The following SLC2A9 variants were observed in gnomAD, a reference collection of about 807,000 sequenced individuals.
SLC2A9 encodes the protein solute carrier family 2, facilitated glucose transporter member 9.
A neutral mutation model predicts 50.6 loss-of-function variants in SLC2A9; 39 were observed. That is an observed-to-expected ratio of 0.77 (90% CI 0.60 to 1.01). The LOEUF (loss-of-function observed/expected upper bound fraction) is 1.01. SLC2A9 is among the 50% of genes least tolerant of loss of function. SLC2A9 has a pLI of 0.00. For missense variants in SLC2A9, 686 were observed against 677.6 expected, an observed-to-expected ratio of 1.01 and a Z score of -0.14; for synonymous variants, 324 against 276.9, an observed-to-expected ratio of 1.17 and a Z score of -1.69.
intron 10 of SLC2A9, among the ~76,000 whole-genome samples, chr4:9,835,786 A>G (rs766987189): frequency 1.3e-5 from 2 of 152,156 alleles, no homozygotes; most frequent in African/African-American, 2.4e-5. Context: ...ATGCAAAGGC[A>G]TAAGAATGAT....
At chr4:9,850,005 G>A (rs530789672) in intron 10 of SLC2A9, among the ~76,000 whole-genome samples, 6 of 152,040 alleles carry the variant, frequency 3.9e-5, no homozygotes, top group African/African-American at 9.7e-5. Flanking sequence ...CCGAGAGACC[G>A]GGACATCAGG....
At chr4:9,789,437 T>G (rs1290051795) in intron 3 of SLC2A9, among the ~76,000 whole-genome samples, 1 of 152,226 alleles carries the variant, frequency 6.6e-6, no homozygotes, top group Admixed American at 6.5e-5. Flanking sequence ...TGCTCCATTT[T>G]ACAGGCAGTG....
chr4:9,900,082 G>C (rs1432306038), intron 8 of SLC2A9, among the ~76,000 whole-genome samples: 1 of 152,176 alleles, frequency 6.6e-6, no homozygotes, highest in African/African-American at 2.4e-5. Flanking sequence ...GCTCTTCAAG[G>C]AGCAGAGAAA....
downstream of SLC2A9, among the ~76,000 whole-genome samples, chr4:9,795,006 C>CAT (rs1720415200): frequency 7.0e-5 from 3 of 43,020 alleles, no homozygotes; most frequent in Admixed American, 6.9e-4. Flanking sequence ...ATTAACCCAT[C>CAT]CTTTTTTTTT....
At chr4:9,774,761 C>T (rs1399374920) in intron 1 of SLC2A9, among the ~76,000 whole-genome samples, 1 of 152,024 alleles carries the variant, frequency 6.6e-6, no homozygotes, top group African/African-American at 2.4e-5. Flanking sequence ...TCCTCTCCTT[C>T]CCTCCGTTCT....
intron 10 of SLC2A9, among the ~76,000 whole-genome samples, chr4:9,866,856 G>A (rs1037808791): frequency 6.6e-6 from 1 of 152,174 alleles, no homozygotes; most frequent in African/African-American, 2.4e-5. Context: ...CCACTCTACT[G>A]GTTGCATGGA....
At chr4:10,030,985 G>A (rs144752043) in intron 1 of SLC2A9, among the ~76,000 whole-genome samples, 115 of 152,266 alleles carry the variant, frequency 7.6e-4, no homozygotes, top group African/African-American at 2.6e-3. Context: ...CCAGCTGCAC[G>A]CCTCTGCTTT....
At chr4:9,820,879 T>C (rs898530756) in intron 3 of SLC2A9, among the ~76,000 whole-genome samples, 3 of 152,234 alleles carry the variant, frequency 2.0e-5, no homozygotes, top group Admixed American at 2.0e-4. Flanking sequence ...GAAACAGTTT[T>C]ATTTTTAATG....
chr4:9,926,940 G>C (rs899744529), intron 6 of SLC2A9, among the ~76,000 whole-genome samples: 2 of 152,080 alleles, frequency 1.3e-5, no homozygotes, highest in Admixed American at 6.5e-5. Context: ...GTCCCCGTCG[G>C]AAGCCAGAAG....
At chr4:9,872,441 T>C (rs1026204871) in intron 10 of SLC2A9, among the ~76,000 whole-genome samples, 2 of 152,220 alleles carry the variant, frequency 1.3e-5, no homozygotes, top group African/African-American at 4.8e-5. Context: ...ACCCAGTCTG[T>C]GAATGTGCAG....
At chr4:10,007,139 A>T (rs1424252452) in intron 2 of SLC2A9, among the ~76,000 whole-genome samples, 1 of 152,166 alleles carries the variant, frequency 6.6e-6, no homozygotes, top group Non-Finnish European at 1.5e-5. Flanking sequence ...TCCTGTGCCA[A>T]CGCCTGTGAC....
At chr4:9,947,677 C>T (rs1402253058) in intron 5 of SLC2A9, among the ~76,000 whole-genome samples, 3 of 152,168 alleles carry the variant, frequency 2.0e-5, no homozygotes, top group African/African-American at 7.2e-5. Flanking sequence ...AGTCTATACT[C>T]CAATCACTTC....
chr4:9,984,912 T>G (rs548225845), intron 4 of SLC2A9, among the ~76,000 whole-genome samples: 59 of 152,320 alleles, frequency 3.9e-4, no homozygotes, highest in African/African-American at 1.3e-3. Context: ...TCTTATGTGA[T>G]CTGGCCCCAG....
In SLC2A9 at chr4:9,951,586, G is replaced by A. The variant is rs577569740; in HGVS notation, c.682-9541C>T. On this transcript the variant is annotated intron_variant, in intron 5 of 11. Coordinates refer to ENST00000264784, the MANE Select transcript of SLC2A9 (RefSeq NM_020041.3). ...TATCCCACTTAGGAAGGCTTGAGGA[G>A]TAAATGTCAAAATGTCAATATGGAA... is the stretch of plus-strand genomic sequence containing the variant. Among the ~76,000 whole-genome samples the A allele has an allele frequency of 7.9e-5, 12 of 151,896 alleles. 1 individual carries two copies. The South Asian group carries it at 2.3e-3, about 29-fold the overall frequency.
chr4:10,023,672 C>G (rs3775939), upstream of SLC2A9, among the ~76,000 whole-genome samples: 15,789 of 152,272 alleles, frequency 0.1, 1,431 homozygotes, highest in East Asian at 0.46. Flanking sequence ...CTGGTAGCCA[C>G]AGCACTTGCC....
intron 5 of SLC2A9, among the ~76,000 whole-genome samples, chr4:9,962,765 T>A (rs1462280679): frequency 6.6e-6 from 1 of 152,206 alleles, no homozygotes; most frequent in Non-Finnish European, 1.5e-5. Context: ...TGACTGAAAC[T>A]GCAGATGTGT....
intron 7 of SLC2A9, among the ~76,000 whole-genome samples, chr4:9,917,477 T>G (rs1402957196): frequency 6.7e-6 from 1 of 149,264 alleles, no homozygotes; most frequent in Non-Finnish European, 1.5e-5. Flanking sequence ...GGACTACAGG[T>G]GCCTGCCACC....
At chr4:9,847,113 C>T (rs1472213825) in intron 10 of SLC2A9, among the ~76,000 whole-genome samples, 1 of 152,194 alleles carries the variant, frequency 6.6e-6, no homozygotes, top group Non-Finnish European at 1.5e-5. Context: ...TGCTTAGCAA[C>T]ATGTTTAATG....
intron 3 of SLC2A9, among the ~76,000 whole-genome samples, chr4:9,810,540 T>C (rs887242405): frequency 1.3e-5 from 2 of 152,210 alleles, no homozygotes; most frequent in African/African-American, 4.8e-5. Flanking sequence ...GAATCACACC[T>C]ACTAGTCTCA....
Sources: allele counts gnomAD v4.1 joint callset (sites outside exome capture counted in the v4.1 genomes callset), GRCh38; gene constraint gnomAD v4.1.1; transcripts MANE v1.5; gene names NCBI Gene and HGNC (gene_info 2026-07-23, HGNC 2026-07-21).